EYA1: variants seen among roughly 807,000 people sequenced by gnomAD.
The protein encoded by EYA1 is protein phosphatase EYA1.
EYA1 carries 16 observed loss-of-function variants against 82.0 expected under a neutral mutation model. That is an observed-to-expected ratio of 0.20 (90% CI 0.13 to 0.30). The LOEUF (loss-of-function observed/expected upper bound fraction) is 0.30, where lower values mean the gene tolerates loss of function less well. EYA1 is among the 10% of genes least tolerant of loss of function. EYA1 has a pLI of 1.00. For synonymous variants in EYA1, 261 were observed against 264.4 expected, an observed-to-expected ratio of 0.99 and a Z score of 0.12; for missense variants, 633 against 730.7, an observed-to-expected ratio of 0.87 and a Z score of 1.54.
chr8:71,489,305 TC>T (rs1810813463), intron 2 of EYA1, among the ~76,000 whole-genome samples: 1 of 152,122 alleles, frequency 6.6e-6, no homozygotes, highest in African/African-American at 2.4e-5. Flanking sequence ...TACTTTTCTA[TC>T]TTTTTTTTTT....
chr8:71,436,711 C>T (rs975846819), intron 2 of EYA1, among the ~76,000 whole-genome samples: 2 of 152,100 alleles, frequency 1.3e-5, no homozygotes, highest in Non-Finnish European at 2.9e-5. Context: ...GTCAGAACTG[C>T]TAATGACACT....
At chr8:71,420,618 T>A (rs1380725778) in intron 2 of EYA1, among the ~76,000 whole-genome samples, 1 of 152,164 alleles carries the variant, frequency 6.6e-6, no homozygotes, top group Non-Finnish European at 1.5e-5. Flanking sequence ...GGATACAGCA[T>A]GTATATCTGA....
Position 71,383,737 on chromosome 8 carries a change from G to T in EYA1, c.34-27226C>A, listed in dbSNP as rs565214038. 1.5e-4 allele frequency among the ~76,000 whole-genome samples: 23 copies of T among 152,126 alleles called. 1 individual carries two copies. Among genetic ancestry groups the T allele is most frequent in the African/African-American group, 5.5e-4 (23 of 41,530 alleles). On this transcript the variant is annotated intron_variant, in intron 2 of 18. Coordinates refer to the EYA1 transcript ENST00000643681. Reference sequence around the variant, plus strand: ...ACACCAAATCTAGAACAGTAATCCTGTCTGGAGAAGTAAGGAGAGTAAGGA... The same window carrying T: ...ACACCAAATCTAGAACAGTAATCCTTTCTGGAGAAGTAAGGAGAGTAAGGA...
At chr8:71,280,730 A>G (rs1018388371) in intron 9 of EYA1, among the ~76,000 whole-genome samples, 2 of 152,136 alleles carry the variant, frequency 1.3e-5, no homozygotes, top group Non-Finnish European at 2.9e-5. Context: ...AAAGGAGAAC[A>G]ATGTTGGAAA....
chr8:71,365,974 G>A (rs1174006815), upstream of EYA1, among the ~76,000 whole-genome samples: 1 of 152,150 alleles, frequency 6.6e-6, no homozygotes, highest in Non-Finnish European at 1.5e-5. Flanking sequence ...ACTATTAGCT[G>A]TACCATGGAA....
At chr8:71,493,947 C>T (rs540262477) in intron 2 of EYA1, among the ~76,000 whole-genome samples, 3 of 129,902 alleles carry the variant, frequency 2.3e-5, no homozygotes, top group South Asian at 2.6e-4. Context: ...GGCGTGATCC[C>T]GGGAGGCGGA....
chr8:71,420,005 A>G (rs1452299044), intron 2 of EYA1, among the ~76,000 whole-genome samples: 1 of 152,186 alleles, frequency 6.6e-6, no homozygotes, highest in Non-Finnish European at 1.5e-5. Flanking sequence ...TAGATATAGT[A>G]TCTGAAATTT....
intron 3 of EYA1, among the ~76,000 whole-genome samples, chr8:71,350,298 T>A (rs1316430295): frequency 6.6e-6 from 1 of 152,198 alleles, no homozygotes; most frequent in African/African-American, 2.4e-5. Context: ...TCTAGTTGGA[T>A]AGCACTATAT....
chr8:71,380,679 G>A (rs931738499), intron 2 of EYA1, among the ~76,000 whole-genome samples: 3 of 152,152 alleles, frequency 2.0e-5, no homozygotes, highest in Non-Finnish European at 4.4e-5. Context: ...CCCTGTTAGT[G>A]TAGCCAACTA....
chr8:71,479,471 C>G (rs957176891), intron 2 of EYA1, among the ~76,000 whole-genome samples: 1 of 151,838 alleles, frequency 6.6e-6, no homozygotes, highest in Admixed American at 6.6e-5. Context: ...CTTTTATTGC[C>G]CACCCCCCAG....
intron 2 of EYA1, among the ~76,000 whole-genome samples, chr8:71,522,657 C>T (rs1813490688): frequency 6.9e-6 from 1 of 144,830 alleles, no homozygotes; most frequent in African/African-American, 2.5e-5. Flanking sequence ...ATCTCTCTGT[C>T]ACCCAGGCTG....
chr8:71,418,600 A>T (rs1486128642), intron 2 of EYA1, among the ~76,000 whole-genome samples: 3 of 152,250 alleles, frequency 2.0e-5, no homozygotes, highest in Non-Finnish European at 4.4e-5. Context: ...ATACACTTTT[A>T]TGAATATTCA....
At chr8:71,247,722 A>G (rs1424134451) in intron 11 of EYA1, among the ~76,000 whole-genome samples, 1 of 152,198 alleles carries the variant, frequency 6.6e-6, no homozygotes, top group Non-Finnish European at 1.5e-5. Context: ...GCATGCTGGA[A>G]AAAGCAAATG....
chr8:71,327,621 C>G (rs538739759), intron 4 of EYA1, among the ~76,000 whole-genome samples: 3 of 152,224 alleles, frequency 2.0e-5, no homozygotes, highest in South Asian at 2.1e-4. Context: ...CCTTGGAAAA[C>G]CAGCCTCCCC....
At chr8:71,544,596 G>T (rs1312578286) in intron 1 of EYA1, among the ~76,000 whole-genome samples, 2 of 152,142 alleles carry the variant, frequency 1.3e-5, no homozygotes, top group Non-Finnish European at 2.9e-5. Flanking sequence ...TATACAAAAT[G>T]ATCCTTGAAA....
At chr8:71,473,341 TAA>T (rs1809379302) in intron 2 of EYA1, among the ~76,000 whole-genome samples, 1 of 101,196 alleles carries the variant, frequency 9.9e-6, no homozygotes, top group Admixed American at 9.9e-5. Flanking sequence ...ACAAAGAACT[TAA>T]ACAAATTTAC....
intron 2 of EYA1, among the ~76,000 whole-genome samples, chr8:71,438,914 G>A (rs1271995465): frequency 6.6e-6 from 1 of 152,082 alleles, no homozygotes; most frequent in African/African-American, 2.4e-5. Context: ...TCATAGATCT[G>A]GTATCTGGGA....
chr8:71,314,426 G>T (rs13278015), intron 7 of EYA1, among the ~76,000 whole-genome samples: 28,158 of 152,094 alleles, frequency 0.19, 3,002 homozygotes, highest in Non-Finnish European at 0.24. Flanking sequence ...CAAATTAATA[G>T]TATATGATCA....
At chr8:71,511,897 C>T (rs1253955404) in intron 2 of EYA1, among the ~76,000 whole-genome samples, 1 of 152,122 alleles carries the variant, frequency 6.6e-6, no homozygotes, top group Non-Finnish European at 1.5e-5. Flanking sequence ...GGCAGGCTTC[C>T]GTATGGGTTC....
Sources: gnomAD v4.1 joint callset for allele counts (sites outside exome capture counted in the v4.1 genomes callset) on GRCh38, gnomAD v4.1.1 for gene constraint, MANE v1.5 for transcripts, NCBI Gene and HGNC (gene_info 2026-07-23, HGNC 2026-07-21) for gene names.